Variants in CERS3 observed in about 807,000 individuals in gnomAD.
CERS3 encodes LAG1 homolog, ceramide synthase 3.
CERS3 carries 33 observed loss-of-function variants against 50.3 expected under a neutral mutation model. The observed-to-expected ratio is 0.66, with a 90% CI of 0.50 to 0.88. The LOEUF is 0.88. Among genes scored for constraint, CERS3 ranks in the 40% least tolerant of loss-of-function variants. The probability of loss-of-function intolerance (pLI) is 0.00; values close to 1 mark genes in which losing one functional copy is unlikely to be tolerated. For missense variants in CERS3, 470 were observed against 460.3 expected, an observed-to-expected ratio of 1.02 and a Z score of -0.19; for synonymous variants, 176 against 155.2, an observed-to-expected ratio of 1.13 and a Z score of -0.99.
At chr15:100,440,963 G>T (rs990252633) in intron 11 of CERS3, among the ~76,000 whole-genome samples, 1 of 152,174 alleles carries the variant, frequency 6.6e-6, no homozygotes, top group Non-Finnish European at 1.5e-5. Context: ...GCCTTCCCTT[G>T]GTGTTTAATC....
chr15:100,519,553 G>T (rs577815877), intron 2 of CERS3, among the ~76,000 whole-genome samples: 1 of 152,086 alleles, frequency 6.6e-6, no homozygotes, highest in Non-Finnish European at 1.5e-5. Flanking sequence ...ACCAAGAGAC[G>T]CCACCCATCT....
chr15:100,474,003 A>C (rs955289424), intron 8 of CERS3, among the ~76,000 whole-genome samples: 1 of 152,238 alleles, frequency 6.6e-6, no homozygotes, highest in Non-Finnish European at 1.5e-5. Context: ...CCTGGAAAAC[A>C]TTACAGTAAG....
At chr15:100,483,787 A>ATTATTATTATTTTTTTTTTTTTTTT (rs760594142) in intron 5 of CERS3, among the ~76,000 whole-genome samples, 1 of 100,040 alleles carries the variant, frequency 1.0e-5, no homozygotes, top group African/African-American at 3.8e-5. Flanking sequence ...TATTATTATT[A>ATTATTATTATTTTTTTTTTTTTTTT]TTTTTTTTTT....
intron 11 of CERS3, among the ~76,000 whole-genome samples, chr15:100,440,247 A>G (rs954000157): frequency 6.6e-6 from 1 of 152,208 alleles, no homozygotes; most frequent in African/African-American, 2.4e-5. Context: ...TCACTCAGAG[A>G]TAAGACAACT....
Position 100,472,991 on chromosome 15 carries a change from C to T in CERS3, c.671G>A (p.Cys224Tyr), listed in dbSNP as rs569753993. ...GGTCCCACTGCGAATATAATTAGCA[C>T]ACCAAGAGAAGCTCATCAGACTAAT... is the stretch of plus-strand genomic sequence containing the variant. ...AAISLMSFSW[C>Y]ANYIRSGTLV... is the part of the protein sequence containing the mutation. The change falls in exon 9 of 12, where the codon TGT becomes TAT. Residue 224 changes from cysteine to tyrosine, a missense_variant. Transcript: ENST00000679737. 2 of 1,613,894 alleles carry T rather than the reference C, an allele frequency of 1.2e-6. No individual in the cohort carries two copies. The highest frequency in any genetic ancestry group is 1.3e-5 in the African/African-American group (1 of 74,996).
intron 10 of CERS3, among the ~76,000 whole-genome samples, chr15:100,467,356 T>C (rs1212017709): frequency 6.6e-6 from 1 of 152,134 alleles, no homozygotes. Flanking sequence ...CTGCAAACTA[T>C]GGCCTGTGGG....
chr15:100,543,230 A>T (rs2037243802), intron 1 of CERS3, among the ~76,000 whole-genome samples: 1 of 152,064 alleles, frequency 6.6e-6, no homozygotes, highest in East Asian at 1.9e-4. Context: ...TCTAATTGAG[A>T]CTGTTTATTT....
At chr15:100,473,711 G>A in intron 8 of CERS3, among the ~76,000 whole-genome samples, 1 of 152,194 alleles carries the variant, frequency 6.6e-6, no homozygotes, top group African/African-American at 2.4e-5. Flanking sequence ...GATGCAAAAT[G>A]GTGTAGCTGC....
chr15:100,535,578 A>G (rs2037051596), intron 1 of CERS3, among the ~76,000 whole-genome samples: 1 of 150,304 alleles, frequency 6.7e-6, no homozygotes, highest in African/African-American at 2.5e-5. Context: ...AAGTATCCAT[A>G]TGTGCACGGG....
At chr15:100,527,883 G>C (rs2036840242) in intron 1 of CERS3, among the ~76,000 whole-genome samples, 1 of 51,714 alleles carries the variant, frequency 1.9e-5, no homozygotes, top group Admixed American at 2.1e-4. Context: ...TCTCTTTAAA[G>C]AACTTTTTAT....
At chr15:100,484,494 C>G (rs2142281161) in intron 5 of CERS3, 56 bp downstream of exon 5, 1 of 1,190,138 alleles carries the variant, frequency 8.4e-7, no homozygotes, top group Admixed American at 1.7e-5. Context: ...TCTGCAAGGA[C>G]CACTCAGCTC....
chr15:100,473,521 T>C (rs1256099971), intron 8 of CERS3, among the ~76,000 whole-genome samples: 1 of 152,234 alleles, frequency 6.6e-6, no homozygotes, highest in Non-Finnish European at 1.5e-5. Flanking sequence ...AAAGAAAATA[T>C]ACAAATGGCC....
intron 10 of CERS3, among the ~76,000 whole-genome samples, chr15:100,458,522 C>A (rs1813591): frequency 2.0e-5 from 3 of 151,450 alleles, no homozygotes; most frequent in African/African-American, 7.3e-5. Flanking sequence ...GGAGGCAGAG[C>A]GTGCAGTGAG....
chr15:100,427,203 T>C (rs1362774125), intron 11 of CERS3, among the ~76,000 whole-genome samples: 4 of 152,086 alleles, frequency 2.6e-5, no homozygotes, highest in Admixed American at 2.6e-4. Flanking sequence ...GCAGCAGGCC[T>C]TGTGATGGCT....
chr15:100,536,409 C>T (rs1567691440), intron 1 of CERS3, among the ~76,000 whole-genome samples: 1 of 152,140 alleles, frequency 6.6e-6, no homozygotes, highest in South Asian at 2.1e-4. Context: ...TTTAGCCTCC[C>T]AAGTAGCTGG....
intron 11 of CERS3, among the ~76,000 whole-genome samples, chr15:100,412,433 C>T (rs370339446): frequency 1.3e-5 from 2 of 152,240 alleles, no homozygotes; most frequent in East Asian, 3.9e-4. Flanking sequence ...TATGCCGGTA[C>T]CACACTGTCT....
At chr15:100,435,076 C>T (rs1270085593) in intron 11 of CERS3, among the ~76,000 whole-genome samples, 3 of 152,156 alleles carry the variant, frequency 2.0e-5, no homozygotes, top group Non-Finnish European at 4.4e-5. Context: ...GATATCAATG[C>T]CGTGCTCTCA....
chr15:100,508,748 C>A (rs2036255483), intron 2 of CERS3, among the ~76,000 whole-genome samples: 1 of 152,158 alleles, frequency 6.6e-6, no homozygotes, highest in South Asian at 2.1e-4. Context: ...TCCTCAGTAT[C>A]TCTGCTTGGA....
intron 10 of CERS3, among the ~76,000 whole-genome samples, chr15:100,468,145 T>A (rs554698211): frequency 1.8e-4 from 27 of 152,324 alleles, no homozygotes; most frequent in African/African-American, 6.3e-4. Flanking sequence ...GAACTTCAAA[T>A]TCTGAGATAC....
Sources: gnomAD v4.1 joint callset for allele counts (sites outside exome capture counted in the v4.1 genomes callset) on GRCh38, gnomAD v4.1.1 for gene constraint, MANE v1.5 for transcripts, NCBI Gene and HGNC (gene_info 2026-07-23, HGNC 2026-07-21) for gene names.